PDE5A: variants seen among roughly 807,000 people sequenced by gnomAD.
PDE5A encodes cGMP-specific 3',5'-cyclic phosphodiesterase.
In PDE5A, 67 loss-of-function variants were observed where a neutral mutation model predicts 110.2. The observed-to-expected ratio is 0.61, with a 90% CI of 0.50 to 0.75. The LOEUF is 0.75. Among genes scored for constraint, PDE5A ranks in the 30% least tolerant of loss-of-function variants. PDE5A has a pLI of 0.00. For synonymous variants in PDE5A, 328 were observed against 351.2 expected, an observed-to-expected ratio of 0.93 and a Z score of 0.74; for missense variants, 862 against 1,045.1, an observed-to-expected ratio of 0.82 and a Z score of 2.42.
chr4:119,541,698 T>C (rs996828342), intron 10 of PDE5A: 5 of 152,184 alleles, frequency 3.3e-5, no homozygotes, highest in Non-Finnish European at 7.3e-5. Flanking sequence ...ATCTCCATGT[T>C]ACATCAACTG....
intron 3 of PDE5A, among the ~76,000 whole-genome samples, chr4:119,573,899 G>T (rs1728226437): frequency 1.3e-5 from 2 of 152,060 alleles, no homozygotes; most frequent in Admixed American, 6.6e-5. Flanking sequence ...GCTAAAACCA[G>T]AAAAATTCAA....
chr4:119,513,614 GA>G (rs1725819920), intron 14 of PDE5A, among the ~76,000 whole-genome samples: 1 of 152,104 alleles, frequency 6.6e-6, no homozygotes, highest in Admixed American at 6.5e-5. Flanking sequence ...AAGGCTCAGT[GA>G]AAAATAATGT....
chr4:119,558,835 T>C (rs930014101), intron 7 of PDE5A, among the ~76,000 whole-genome samples: 1 of 140,682 alleles, frequency 7.1e-6, no homozygotes, highest in Admixed American at 7.8e-5. Context: ...GAGAATGGCG[T>C]GAACCCGGGA....
chr4:119,516,190 T>C (rs1560598142), intron 14 of PDE5A, among the ~76,000 whole-genome samples: 1 of 152,224 alleles, frequency 6.6e-6, no homozygotes, highest in Non-Finnish European at 1.5e-5. Flanking sequence ...ACATCTGTCT[T>C]GACCAGTTTT....
At chr4:119,571,755 TCTC>T (rs1284370952) in intron 3 of PDE5A, among the ~76,000 whole-genome samples, 2 of 152,196 alleles carry the variant, frequency 1.3e-5, no homozygotes, top group African/African-American at 4.8e-5. Flanking sequence ...TTTTTCTTCT[TCTC>T]CTCACCTCAT....
chr4:119,504,686 TA>T, intron 17 of PDE5A, 87 bp from the exon 18 acceptor site: 1 of 1,004,848 alleles, frequency 1.0e-6, no homozygotes. Context: ...AAAAAAAAGT[TA>T]AAACCCTCTA....
intron 9 of PDE5A, among the ~76,000 whole-genome samples, chr4:119,545,743 C>G (rs1376533014): frequency 6.6e-6 from 1 of 152,156 alleles, no homozygotes; most frequent in Admixed American, 6.5e-5. Flanking sequence ...CAACCACAGT[C>G]TTCCTCCTGG....
chr4:119,502,376 A>G (rs1484646770), intron 19 of PDE5A: 1 of 397,742 alleles, frequency 2.5e-6, no homozygotes, highest in Non-Finnish European at 4.5e-6. Context: ...ATACAATATG[A>G]TGAACCCAAG....
chr4:119,526,569 C>T (rs3775848), intron 11 of PDE5A, among the ~76,000 whole-genome samples: 39,967 of 152,032 alleles, frequency 0.26, 5,387 homozygotes, highest in East Asian at 0.38. Flanking sequence ...GAGGCCTTTA[C>T]GTGGTTTGAA....
chr4:119,616,887 C>T (rs1306176057), intron 1 of PDE5A, among the ~76,000 whole-genome samples: 2 of 152,098 alleles, frequency 1.3e-5, no homozygotes, highest in Admixed American at 1.3e-4. Flanking sequence ...ATACTATGTG[C>T]TCATATTTTG....
Position 119,498,306 on chromosome 4 carries a change from A to C in PDE5A, c.*295T>G, listed in dbSNP as rs1560590236. The C allele has an allele frequency of 4.0e-6, 1 of 251,510 alleles. No homozygotes were observed. The highest frequency in any genetic ancestry group is 2.2e-5 in the African/African-American group (1 of 45,246). The allele number at this position is 251,510 out of a possible 1,614,324, so 15.6% of individuals were successfully genotyped here. On this transcript the variant is annotated 3_prime_UTR_variant, in exon 21 of 21. Transcript: ENST00000354960. ...CAAGCAAAAAAACCTCAGTGCAAGAATACTGCATACACTTTGCAGTACACG... is the reference window on the plus strand; with the variant it reads ...CAAGCAAAAAAACCTCAGTGCAAGACTACTGCATACACTTTGCAGTACACG...
At position 119,606,769 on chromosome 4, in the gene PDE5A, T is replaced by A; in HGVS notation, c.681A>T (p.Lys227Asn). 6.2e-6 allele frequency: 10 copies of A among 1,614,170 alleles called. No individual in the cohort carries two copies. Among genetic ancestry groups the A allele is most frequent in the Non-Finnish European group, 8.5e-6 (10 of 1,180,046 alleles). Residue 227 changes from lysine to asparagine, a missense_variant, in exon 2 of 21, where the codon AAA becomes AAT. Lys to Asn is a moderately conservative substitution (Grantham distance 94). Transcript: ENST00000354960. ...SNNCIRLEWN[K>N]GIVGHVAALG... is the part of the protein sequence containing the mutation. ...GCGCTGCCACATGTCCCACAATGCC[T>A]TTGTTCCATTCTAAGCGGATACAGT...
chr4:119,495,206 A>G lies in PDE5A; in HGVS notation c.*3395T>C, dbSNP rs1253265826. The G allele has an allele frequency of 6.6e-6, 1 of 152,148 alleles. No individual in the cohort carries two copies. Among genetic ancestry groups the G allele is most frequent in the Admixed American group, 6.6e-5 (1 of 15,258 alleles). The allele number at this position is 152,148 out of a possible 1,614,324, so 9.4% of individuals were successfully genotyped here. The stretch of plus-strand genomic sequence containing the variant: ...CATGTTCTCACATTAAATTGGCAGT[A>G]TCAGAAGCTAAGTCTCTTCTCTAGC... On this transcript the variant is annotated 3_prime_UTR_variant, in exon 21 of 21. Coordinates refer to ENST00000354960, the MANE Select transcript of PDE5A (RefSeq NM_001083.4).
chr4:119,587,891 A>G (rs80066647), intron 3 of PDE5A, among the ~76,000 whole-genome samples: 4,344 of 152,316 alleles, frequency 0.029, 85 homozygotes, highest in South Asian at 0.07. Context: ...GGCAGTCAGT[A>G]CTGTGAGTGT....
At chr4:119,555,546 A>G (rs555493099) in intron 7 of PDE5A, among the ~76,000 whole-genome samples, 42 of 152,166 alleles carry the variant, frequency 2.8e-4, no homozygotes, top group Non-Finnish European at 4.3e-4. Context: ...TGAAAAGGTG[A>G]CCACCAGGAG....
intron 20 of PDE5A, 104 bp downstream of exon 20, chr4:119,501,066 G>C: frequency 1.5e-6 from 1 of 676,136 alleles, no homozygotes; most frequent in Non-Finnish European, 2.6e-6. Context: ...TTTATTTCTT[G>C]ATTTAGAAGC....
chr4:119,581,001 T>C (rs528099450), intron 3 of PDE5A, among the ~76,000 whole-genome samples: 3 of 152,354 alleles, frequency 2.0e-5, no homozygotes, highest in African/African-American at 4.8e-5. Flanking sequence ...CTGCAAAGCA[T>C]AGGCTTACCC....
At chr4:119,582,291 GC>G (rs1728614138) in intron 3 of PDE5A, among the ~76,000 whole-genome samples, 1 of 152,162 alleles carries the variant, frequency 6.6e-6, no homozygotes. Context: ...CACTTTCTTT[GC>G]TCATCTATAA....
intron 3 of PDE5A, among the ~76,000 whole-genome samples, chr4:119,583,526 C>A (rs1728659814): frequency 6.6e-6 from 1 of 152,190 alleles, no homozygotes. Flanking sequence ...TTTGTGTCCA[C>A]AACTTGGCTA....
Sources: allele counts gnomAD v4.1 joint callset (sites outside exome capture counted in the v4.1 genomes callset), GRCh38; gene constraint gnomAD v4.1.1; transcripts MANE v1.5; gene names NCBI Gene and HGNC (gene_info 2026-07-23, HGNC 2026-07-21).